Variants in ITSN1 observed in about 807,000 individuals in gnomAD.
ITSN1 encodes intersectin-1.
Under a neutral mutation model 239.8 loss-of-function variants are expected in ITSN1, and 58 were observed. The ratio of observed to expected loss-of-function variants is 0.24; its 90% confidence interval spans 0.20 to 0.30. ITSN1 has a LOEUF of 0.30. ITSN1 is among the 10% of genes least tolerant of loss of function. ITSN1 has a pLI of 1.00. For synonymous variants in ITSN1, 780 were observed against 770.8 expected, an observed-to-expected ratio of 1.01 and a Z score of -0.20; for missense variants, 1,558 against 2,103.3, an observed-to-expected ratio of 0.74 and a Z score of 5.07.
At chr21:33,829,191 A>G (rs1279535703) in intron 26 of ITSN1, 7 of 367,152 alleles carry the variant, frequency 1.9e-5, no homozygotes, top group Non-Finnish European at 3.7e-5. Context: ...TAGAAAAGCT[A>G]TTGAGTCCTT....
chr21:33,702,444 C>T (rs569494416), intron 1 of ITSN1, among the ~76,000 whole-genome samples: 20 of 152,188 alleles, frequency 1.3e-4, no homozygotes, highest in African/African-American at 3.9e-4. Flanking sequence ...TTCAAACATT[C>T]AGGAAAGTTG....
intron 16 of ITSN1, among the ~76,000 whole-genome samples, chr21:33,783,295 C>T (rs1445445453): frequency 6.6e-6 from 1 of 152,104 alleles, no homozygotes; most frequent in Non-Finnish European, 1.5e-5. Flanking sequence ...ATATTTGAAA[C>T]TTTTATAATA....
At chr21:33,667,147 T>A (rs546887898) in intron 1 of ITSN1, among the ~76,000 whole-genome samples, 25 of 151,878 alleles carry the variant, frequency 1.6e-4, no homozygotes, top group East Asian at 9.6e-4. Context: ...TTTTTTTTTT[T>A]AAACTCTTTT....
intron 14 of ITSN1, among the ~76,000 whole-genome samples, chr21:33,778,006 G>A (rs2069783891): frequency 6.6e-6 from 1 of 152,076 alleles, no homozygotes; most frequent in African/African-American, 2.4e-5. Context: ...TAGATCATAT[G>A]TTTTTTCCCC....
chr21:33,644,475 C>T (rs1017078674), intron 1 of ITSN1, among the ~76,000 whole-genome samples: 1 of 152,032 alleles, frequency 6.6e-6, no homozygotes, highest in Non-Finnish European at 1.5e-5. Flanking sequence ...GTTGAAATTG[C>T]TACGGCGCAT....
chr21:33,773,642 TG>T (rs1388577263), intron 12 of ITSN1, among the ~76,000 whole-genome samples: 12 of 151,894 alleles, frequency 7.9e-5, no homozygotes, highest in Non-Finnish European at 1.2e-4. Context: ...AGCAAGAACC[TG>T]TCTCAAAAAA....
intron 17 of ITSN1, 38 bp downstream of exon 17, chr21:33,794,506 A>G: frequency 6.3e-7 from 1 of 1,577,450 alleles, no homozygotes; most frequent in Non-Finnish European, 8.6e-7. Flanking sequence ...TCTGGAAGGA[A>G]CTTTGAGGAT....
intron 12 of ITSN1, 48 bp downstream of exon 12, chr21:33,772,371 C>CT: frequency 1.3e-6 from 2 of 1,540,562 alleles, no homozygotes; most frequent in African/African-American, 2.7e-5. Flanking sequence ...GCGATCACCC[C>CT]TTTTCAGAAT....
intron 1 of ITSN1, among the ~76,000 whole-genome samples, chr21:33,702,064 TC>T (rs1219040943): frequency 6.8e-6 from 1 of 147,678 alleles, no homozygotes; most frequent in Non-Finnish European, 1.5e-5. Flanking sequence ...CGAAACTCTC[TC>T]TCAAAAAACA....
chr21:33,884,209 ATTGTTGTTG>A (rs375803637), intron 36 of ITSN1, among the ~76,000 whole-genome samples: 2 of 151,796 alleles, frequency 1.3e-5, no homozygotes, highest in South Asian at 2.1e-4. Context: ...TGCACCTGGC[ATTGTTGTTG>A]TTGTTGTTGT....
intron 20 of ITSN1, among the ~76,000 whole-genome samples, chr21:33,809,261 A>T (rs766654175): frequency 1.3e-5 from 2 of 152,216 alleles, no homozygotes; most frequent in Non-Finnish European, 2.9e-5. Flanking sequence ...ATTGCATTTT[A>T]TACAAGGGAA....
chr21:33,749,181 G>A (rs115830584), intron 5 of ITSN1, among the ~76,000 whole-genome samples: 5,882 of 151,994 alleles, frequency 0.039, 393 homozygotes, highest in African/African-American at 0.14. Context: ...GTAGAGATGG[G>A]ATTTTGCTAT....
At chr21:33,841,514 C>A (rs73900378) in intron 29 of ITSN1, among the ~76,000 whole-genome samples, 1,814 of 152,284 alleles carry the variant, frequency 0.012, 36 homozygotes, top group African/African-American at 0.041. Flanking sequence ...CTCCAGTTTC[C>A]TTTTCCTTTA....
chr21:33,704,923 T>TAAAAAAAAAAA (rs55966725), intron 1 of ITSN1, among the ~76,000 whole-genome samples: 6 of 93,660 alleles, frequency 6.4e-5, no homozygotes, highest in Non-Finnish European at 6.1e-5. Flanking sequence ...CCATCTCTAC[T>TAAAAAAAAAAA]AAAAAAAAAA....
chr21:33,708,844 T>C (rs1356368711), intron 1 of ITSN1, among the ~76,000 whole-genome samples: 1 of 152,248 alleles, frequency 6.6e-6, no homozygotes, highest in Non-Finnish European at 1.5e-5. Context: ...TTGTGTATTA[T>C]GTAAAGTGTC....
At chr21:33,747,721 T>A (rs1319796158) in intron 5 of ITSN1, among the ~76,000 whole-genome samples, 2 of 152,214 alleles carry the variant, frequency 1.3e-5, no homozygotes, top group Non-Finnish European at 2.9e-5. Context: ...CAAAATTCTA[T>A]ATTCAGCAAA....
At chr21:33,722,412 T>C (rs1601837635) in intron 3 of ITSN1, among the ~76,000 whole-genome samples, 176 bp from the exon 4 acceptor site, 1 of 152,330 alleles carries the variant, frequency 6.6e-6, no homozygotes, top group East Asian at 1.9e-4. Context: ...AAGTCAGTGC[T>C]GATGGATTCT....
chr21:33,697,088 T>C (rs1002659159), intron 1 of ITSN1, among the ~76,000 whole-genome samples: 2 of 148,376 alleles, frequency 1.3e-5, no homozygotes, highest in Non-Finnish European at 3.0e-5. Context: ...GATTGTCTCT[T>C]TTTTTTTTTT....
At chr21:33,824,149 A>G (rs1478535126) in intron 25 of ITSN1, among the ~76,000 whole-genome samples, 1 of 152,002 alleles carries the variant, frequency 6.6e-6, no homozygotes, top group Non-Finnish European at 1.5e-5. Flanking sequence ...AGGGATGGGT[A>G]CACTTTTGGC....
Sources: allele counts gnomAD v4.1 joint callset (sites outside exome capture counted in the v4.1 genomes callset), GRCh38; gene constraint gnomAD v4.1.1; transcripts MANE v1.5; gene names NCBI Gene and HGNC (gene_info 2026-07-23, HGNC 2026-07-21).